MYOM2: variants seen among roughly 807,000 people sequenced by gnomAD.
The protein encoded by MYOM2 is myomesin-2.
Under a neutral mutation model 187.6 loss-of-function variants are expected in MYOM2, and 254 were observed. The ratio of observed to expected loss-of-function variants is 1.35; its 90% CI spans 1.22 to 1.50. The LOEUF is 1.50. Among genes scored for constraint, MYOM2 ranks in the 40% most tolerant of loss-of-function variants. The pLI, the probability that MYOM2 is intolerant of heterozygous loss-of-function variation, is 0.00. For synonymous variants in MYOM2, 981 were observed against 753.8 expected (o/e 1.30, Z -4.94); for missense variants, 2,796 against 1,924.0 (o/e 1.45, Z -8.48).
chr8:2,058,713 G>T (rs1334254200), intron 5 of MYOM2, among the ~76,000 whole-genome samples: 2 of 152,184 alleles, frequency 1.3e-5, no homozygotes, highest in Non-Finnish European at 2.9e-5. Flanking sequence ...TGATGCGGAG[G>T]TGCTGGGGTG....
chr8:2,099,371 C>T (rs936880514), intron 19 of MYOM2, among the ~76,000 whole-genome samples: 2 of 152,032 alleles, frequency 1.3e-5, no homozygotes, highest in South Asian at 2.1e-4. Flanking sequence ...GGAGAAGGTG[C>T]GAGCCCCGGC....
intron 21 of MYOM2, among the ~76,000 whole-genome samples, chr8:2,103,682 T>A (rs765369571): frequency 1.2e-4 from 18 of 149,896 alleles, no homozygotes; most frequent in Non-Finnish European, 2.1e-4. Flanking sequence ...TAGAGGTATA[T>A]GGATAAATGA....
chr8:2,083,196 C>G (rs1819689036), intron 13 of MYOM2, among the ~76,000 whole-genome samples: 1 of 152,224 alleles, frequency 6.6e-6, no homozygotes, highest in Admixed American at 6.5e-5. Flanking sequence ...ATATATCTCT[C>G]ACTGGTTCAT....
At chr8:2,060,964 G>C (rs1818833317) in intron 6 of MYOM2, among the ~76,000 whole-genome samples, 1 of 152,028 alleles carries the variant, frequency 6.6e-6, no homozygotes, top group South Asian at 2.1e-4. Flanking sequence ...GGGGGAGATG[G>C]GGGTGAGGGG....
rs565230018 is a variant in MYOM2, at chr8:2,087,417, G to A, written c.1644+2027G>A. On this transcript the variant is annotated intron_variant, in intron 14 of 36. Coordinates refer to ENST00000262113, the MANE Select transcript of MYOM2 (RefSeq NM_003970.4). ...GGTTATTTGCAATGTATGCTATCTGGGGGGTAGAAACTAGAAATATTTCAG... is the reference window on the plus strand; with the variant it reads ...GGTTATTTGCAATGTATGCTATCTGAGGGGTAGAAACTAGAAATATTTCAG... Among the ~76,000 whole-genome samples, 5 of 152,222 alleles carry A rather than the reference G, an allele frequency of 3.3e-5. No individual in the cohort carries two copies. The South Asian group carries it at 1.0e-3, about 32-fold the overall frequency.
At chr8:2,086,719 T>G (rs1389299426) in intron 14 of MYOM2, among the ~76,000 whole-genome samples, 1 of 152,234 alleles carries the variant, frequency 6.6e-6, no homozygotes, top group Non-Finnish European at 1.5e-5. Context: ...CTTCCCTCTC[T>G]GGGCGCCCGC....
rs368269168 is a variant in MYOM2 at position 2,140,921 on chromosome 8, C to G, written c.3964+35C>G. On this transcript the variant is annotated intron_variant, in intron 33 of 36. Coordinates refer to ENST00000262113, the MANE Select transcript of MYOM2 (RefSeq NM_003970.4). ...TTCTTCTTTAGCATTTAATAATTTCCTATTTAGAAATCCATTTAGATGCTG... is the reference window on the plus strand; with the variant it reads ...TTCTTCTTTAGCATTTAATAATTTCGTATTTAGAAATCCATTTAGATGCTG... 4.5e-6 allele frequency: 7 copies of G among 1,567,620 alleles called. No individual in the cohort carries two copies. The South Asian group carries it at 8.4e-5, about 19-fold the overall frequency.
intron 17 of MYOM2, among the ~76,000 whole-genome samples, chr8:2,094,648 T>C (rs1796420734): frequency 6.6e-6 from 1 of 152,164 alleles, no homozygotes; most frequent in African/African-American, 2.4e-5. Context: ...CAAGACTCCG[T>C]CTCAAAAATA....
At chr8:2,067,800 G>C (rs564291813) in intron 6 of MYOM2, among the ~76,000 whole-genome samples, 1 of 152,224 alleles carries the variant, frequency 6.6e-6, no homozygotes, top group Admixed American at 6.5e-5. Context: ...CAGTGTCTCA[G>C]GTGGAGTCCA....
chr8:2,121,299 T>G (rs1046760188), intron 28 of MYOM2, among the ~76,000 whole-genome samples: 3 of 152,100 alleles, frequency 2.0e-5, no homozygotes, highest in Admixed American at 2.0e-4. Flanking sequence ...TTGTTGGTAT[T>G]GTTGTTCTGA....
At chr8:2,137,447 G>A (rs949374457) in intron 32 of MYOM2, among the ~76,000 whole-genome samples, 24 of 152,070 alleles carry the variant, frequency 1.6e-4, no homozygotes, top group African/African-American at 5.8e-4. Context: ...CAGGGAAGCA[G>A]GGTGGGGCCA....
chr8:2,101,119 G>A, intron 20 of MYOM2, 65 bp downstream of exon 20: 1 of 1,546,446 alleles, frequency 6.5e-7, no homozygotes, highest in East Asian at 2.3e-5. Context: ...GTAAAGGCGG[G>A]CCAATCACTT....
Position 2,096,229 on chromosome 8 carries a change from G to A in MYOM2, c.2126-18G>A. 1 of 1,608,164 alleles carries A rather than the reference G, an allele frequency of 6.2e-7. No individual in the cohort carries two copies. The highest frequency in any genetic ancestry group is 8.5e-7 in the Non-Finnish European group (1 of 1,176,078). On this transcript the variant is annotated intron_variant, in intron 17 of 36. Coordinates refer to ENST00000262113, the MANE Select transcript of MYOM2 (RefSeq NM_003970.4). ...CAGCTGAGGCCCTCGGTAACTCCCT[G>A]GTTGTGCTTCCTTGCAGCCGTCCCG...
intron 32 of MYOM2, among the ~76,000 whole-genome samples, chr8:2,139,719 C>A (rs1019134096): frequency 1.3e-5 from 2 of 152,126 alleles, no homozygotes; most frequent in Non-Finnish European, 2.9e-5. Flanking sequence ...GGAGTCCGTC[C>A]TGTTTTCATG....
chr8:2,057,299 G>GC, intron 3 of MYOM2, 49 bp from the exon 4 acceptor site: 1 of 1,566,494 alleles, frequency 6.4e-7, no homozygotes, highest in Non-Finnish European at 8.6e-7. Flanking sequence ...GGGGCCACGT[G>GC]GTTTTCTTCG....
intron 30 of MYOM2, among the ~76,000 whole-genome samples, 158 bp from the exon 31 acceptor site, chr8:2,124,021 C>G (rs543224095): frequency 1.5e-4 from 23 of 152,282 alleles, no homozygotes; most frequent in Admixed American, 1.4e-3. Flanking sequence ...AAGGATTTAT[C>G]GCACACATAA....
In MYOM2 at chr8:2,078,713, T is replaced by A. The variant is rs746199940; in HGVS notation, c.1263-21T>A. 5 of 1,613,094 alleles carry A rather than the reference T, an allele frequency of 3.1e-6. No homozygotes were observed. In the African/African-American group the frequency reaches 4.0e-5, roughly 13 times the overall value. The stretch of plus-strand genomic sequence containing the variant: ...TGCCACATTTGCTATTCTCTGTTGT[T>A]TTTCTTTTTTTAACTTGAAGATGTG... On this transcript the variant is annotated intron_variant, in intron 11 of 36. Transcript: ENST00000262113.
rs1174200568 is a variant in MYOM2 at position 2,089,875 on chromosome 8, C to T, written c.1645-133C>T. 1.7e-5 allele frequency: 11 copies of T among 665,432 alleles called. No individual in the cohort carries two copies. In the South Asian group the frequency reaches 2.9e-4, roughly 18 times the overall value. The allele number at this position is 665,432 out of a possible 1,614,324, so 41.2% of individuals were successfully genotyped here. ...AACTCAAAAAAGATGCATGACCATC[C>T]TTTGTGTGCGAGACGCAGCGGGCGC... On this transcript the variant is annotated intron_variant, in intron 14 of 36. Transcript: ENST00000262113.
chr8:2,058,037 G>C (rs1181597053), intron 5 of MYOM2, among the ~76,000 whole-genome samples: 1 of 45,896 alleles, frequency 2.2e-5, no homozygotes, highest in African/African-American at 1.1e-4. Context: ...TTTTTTTTTT[G>C]AGATGGAGTC....
Sources: allele counts gnomAD v4.1 joint callset (sites outside exome capture counted in the v4.1 genomes callset), GRCh38; gene constraint gnomAD v4.1.1; transcripts MANE v1.5; gene names NCBI Gene and HGNC (gene_info 2026-07-23, HGNC 2026-07-21).